Variants in EIF4EBP2 observed in about 807,000 individuals in gnomAD.
The protein encoded by EIF4EBP2 is eukaryotic translation initiation factor 4E binding protein 2.
A neutral mutation model predicts 10.3 loss-of-function variants in EIF4EBP2; 5 were observed. The observed-to-expected ratio is 0.48, with a 90% confidence interval of 0.25 to 1.02. EIF4EBP2 has a LOEUF of 1.02. EIF4EBP2 is among the 50% of genes least tolerant of loss of function. The pLI, the probability that EIF4EBP2 is intolerant of heterozygous loss-of-function variation, is 0.15. For missense variants in EIF4EBP2, 188 were observed against 162.2 expected, an observed-to-expected ratio of 1.16 and a Z score of -0.86; for synonymous variants, 67 against 61.1, an observed-to-expected ratio of 1.10 and a Z score of -0.45.
chr10:70,418,973 C>G (rs561556646), intron 1 of EIF4EBP2, among the ~76,000 whole-genome samples: 1 of 152,284 alleles, frequency 6.6e-6, no homozygotes, highest in African/African-American at 2.4e-5. Context: ...CAGCACCTCA[C>G]TTGGCTCTTT....
chr10:70,413,544 G>A (rs1845064244), intron 1 of EIF4EBP2, among the ~76,000 whole-genome samples: 1 of 144,858 alleles, frequency 6.9e-6, no homozygotes. Context: ...GGAGGTCAAG[G>A]TTGCAGTAAG....
chr10:70,412,253 G>C (rs1023713003), intron 1 of EIF4EBP2, among the ~76,000 whole-genome samples: 2 of 152,058 alleles, frequency 1.3e-5, no homozygotes, highest in African/African-American at 4.8e-5. Flanking sequence ...ATGAGGGTGT[G>C]GGTCCATCTC....
chr10:70,417,485 G>A (rs945154418), intron 1 of EIF4EBP2, among the ~76,000 whole-genome samples: 4 of 152,192 alleles, frequency 2.6e-5, no homozygotes, highest in African/African-American at 9.6e-5. Context: ...TGGATCAATT[G>A]TAAATGAATG....
intron 1 of EIF4EBP2, among the ~76,000 whole-genome samples, chr10:70,404,952 TAAA>T (rs565326754): frequency 2.9e-3 from 446 of 152,328 alleles, no homozygotes; most frequent in African/African-American, 0.01. Context: ...CGGGGCTTTT[TAAA>T]AAAGAACTTT....
intron 1 of EIF4EBP2, among the ~76,000 whole-genome samples, chr10:70,407,594 G>A (rs10999322): frequency 0.48 from 72,627 of 150,316 alleles, 17,849 homozygotes; most frequent in East Asian, 0.72. Context: ...CAAAACCGCC[G>A]TTGTCATCAT....
chr10:70,414,541 G>A (rs1845073694), intron 1 of EIF4EBP2, among the ~76,000 whole-genome samples: 1 of 152,106 alleles, frequency 6.6e-6, no homozygotes, highest in African/African-American at 2.4e-5. Context: ...AGGTGAGTTT[G>A]CCAAGGTTGC....
In EIF4EBP2 at chr10:70,424,824, A is replaced by G. The variant is rs1845191083; in HGVS notation, c.*3077A>G. 2 of 152,210 alleles carry G rather than the reference A, an allele frequency of 1.3e-5. No individual in the cohort carries two copies. The allele number at this position is 152,210 out of a possible 1,614,324, so 9.4% of individuals were successfully genotyped here. ...TCAGCAGTTCTCATATTCTGTTTAA[A>G]TAGGTACAGCATTTTCAAGGGCACA... On this transcript the variant is annotated 3_prime_UTR_variant, in exon 3 of 3. Coordinates refer to ENST00000373218, the MANE Select transcript of EIF4EBP2 (RefSeq NM_004096.5).
intron 2 of EIF4EBP2, among the ~76,000 whole-genome samples, chr10:70,421,041 C>T (rs12414100): frequency 0.086 from 13,017 of 151,802 alleles, 754 homozygotes; most frequent in East Asian, 0.23. Context: ...GTGATCCGCC[C>T]GCCTCAGCCT....
intron 1 of EIF4EBP2, among the ~76,000 whole-genome samples, chr10:70,413,293 C>G (rs1845062598): frequency 6.6e-6 from 1 of 152,120 alleles, no homozygotes; most frequent in Admixed American, 6.5e-5. Context: ...GTCCTCCTGC[C>G]TTTACTTTGC....
At chr10:70,414,055 C>T (rs558960184) in intron 1 of EIF4EBP2, among the ~76,000 whole-genome samples, 4 of 152,272 alleles carry the variant, frequency 2.6e-5, no homozygotes, top group African/African-American at 9.6e-5. Flanking sequence ...AAATGTACAT[C>T]TGTGCATGCA....
rs1844966523 is a variant in EIF4EBP2, at chr10:70,406,637, T to G, written c.145+2091T>G. 2.0e-5 allele frequency among the ~76,000 whole-genome samples: 3 copies of G among 152,222 alleles called. No individual in the cohort carries two copies. In the South Asian group the frequency reaches 6.2e-4, roughly 31 times the overall value. ...TAAGGGCATAGTCTTTAAGCGTTGC[T>G]TCAAAGATAGAAGCCTGTCTCATAG... is the stretch of plus-strand genomic sequence containing the variant. On this transcript the variant is annotated intron_variant, in intron 1 of 2. Transcript: ENST00000373218.
chr10:70,416,601 C>G (rs1845098252), intron 1 of EIF4EBP2, among the ~76,000 whole-genome samples: 1 of 143,750 alleles, frequency 7.0e-6, no homozygotes, highest in Non-Finnish European at 1.5e-5. Flanking sequence ...AAAAACCAGG[C>G]AATTTTTCAA....
intron 1 of EIF4EBP2, among the ~76,000 whole-genome samples, chr10:70,408,447 T>C (rs1457670291): frequency 6.6e-6 from 1 of 152,232 alleles, no homozygotes; most frequent in African/African-American, 2.4e-5. Context: ...AGGGCTTATT[T>C]AATATCTTTA....
chr10:70,415,181 A>G (rs1166720295), intron 1 of EIF4EBP2, among the ~76,000 whole-genome samples: 1 of 152,012 alleles, frequency 6.6e-6, no homozygotes, highest in South Asian at 2.1e-4. Context: ...AAGAAAAGAA[A>G]AAGAAAGCAA....
At chr10:70,410,778 T>C (rs1386080157) in intron 1 of EIF4EBP2, among the ~76,000 whole-genome samples, 2 of 152,266 alleles carry the variant, frequency 1.3e-5, no homozygotes, top group African/African-American at 4.8e-5. Context: ...TTAGAAGCAC[T>C]TGCTGCTTGT....
At position 70,404,224 on chromosome 10, in the gene EIF4EBP2, C is replaced by CGGG. The variant is rs1844943879; in HGVS notation, c.-176_-175insGGG. On this transcript the variant is annotated 5_prime_UTR_variant, in exon 1 of 3. Coordinates refer to ENST00000373218, the MANE Select transcript of EIF4EBP2 (RefSeq NM_004096.5). ...TGGCTGAGGCCGGAGGATCGAGCGG[C>CGGG]GGCGGCGGCGGCGGCTGAGAGGGCG... Among the ~76,000 whole-genome samples the CGGG allele has an allele frequency of 6.6e-6, 1 of 152,158 alleles. No homozygotes were observed. The highest frequency in any genetic ancestry group is 6.5e-5 in the Admixed American group (1 of 15,270).
At chr10:70,408,235 G>C (rs1304129104) in intron 1 of EIF4EBP2, among the ~76,000 whole-genome samples, 1 of 150,200 alleles carries the variant, frequency 6.7e-6, no homozygotes, top group Non-Finnish European at 1.5e-5. Context: ...TCCTGGACGG[G>C]GCGGCTGGCC....
At chr10:70,404,598 A>G (rs772675342) in intron 1 of EIF4EBP2, 52 bp downstream of exon 1, 9 of 1,481,836 alleles carry the variant, frequency 6.1e-6, no homozygotes, top group African/African-American at 1.5e-5. Context: ...GCGGTCCTCT[A>G]ACTCCTCGGC....
In EIF4EBP2 at chr10:70,407,116, C is replaced by CTTT. The variant is rs35260368; in HGVS notation, c.145+2579_145+2581dup. Among the ~76,000 whole-genome samples, 10 of 136,782 alleles carry CTTT rather than the reference C, an allele frequency of 7.3e-5. 1 individual carries two copies. The highest frequency in any genetic ancestry group is 1.6e-4 in the African/African-American group (6 of 37,250). The allele number at this position is 136,782 out of a possible 152,430, so 89.7% of individuals were successfully genotyped here. ...GTTTCACCATGTTAGCCAGGATGGT[C>CTTT]TTTTTTTTTTTGTTGTTGTTGATCA... On this transcript the variant is annotated intron_variant, in intron 1 of 2. Transcript: ENST00000373218.
Sources: allele counts gnomAD v4.1 joint callset (sites outside exome capture counted in the v4.1 genomes callset), GRCh38; gene constraint gnomAD v4.1.1; transcripts MANE v1.5; gene names NCBI Gene and HGNC (gene_info 2026-07-23, HGNC 2026-07-21).